The following RPH3A variants were observed in gnomAD, a reference collection of about 807,000 sequenced individuals.
RPH3A encodes rabphilin 3A, also known as rabphilin-3A.
Under a neutral mutation model 102.2 loss-of-function variants are expected in RPH3A, and 48 were observed. That is an observed-to-expected ratio of 0.47 (90% CI 0.37 to 0.60). The LOEUF (loss-of-function observed/expected upper bound fraction) is 0.60, where lower values mean the gene tolerates loss of function less well. Ranked by LOEUF, RPH3A falls within the 20% of genes least tolerant of loss-of-function variation. The pLI is 0.00. For missense variants in RPH3A, 781 were observed against 910.1 expected (o/e 0.86, Z 1.83); for synonymous variants, 310 against 324.3 (o/e 0.96, Z 0.47).
intron 1 of RPH3A, among the ~76,000 whole-genome samples, chr12:112,769,565 T>C (rs1422578837): frequency 6.6e-6 from 1 of 152,242 alleles, no homozygotes; most frequent in Non-Finnish European, 1.5e-5. Flanking sequence ...TCCTCATTGG[T>C]GTCTGGTGGG....
chr12:112,827,010 G>A (rs2041888499), intron 2 of RPH3A, among the ~76,000 whole-genome samples: 1 of 152,110 alleles, frequency 6.6e-6, no homozygotes, highest in South Asian at 2.1e-4. Flanking sequence ...TGGACTTTTA[G>A]CTAACAGATA....
chr12:112,687,697 A>G (rs193190347), intron 1 of RPH3A, among the ~76,000 whole-genome samples: 62 of 152,318 alleles, frequency 4.1e-4, no homozygotes, highest in African/African-American at 1.5e-3. Context: ...TGTGGATGCC[A>G]TTGCTTCTGA....
At chr12:112,777,180 T>C (rs539279001) in intron 1 of RPH3A, among the ~76,000 whole-genome samples, 1 of 152,294 alleles carries the variant, frequency 6.6e-6, no homozygotes, top group South Asian at 2.1e-4. Context: ...TTGTGAGAAT[T>C]CAGTTGGATC....
At chr12:112,803,672 T>C (rs1377307960) in intron 2 of RPH3A, among the ~76,000 whole-genome samples, 1 of 152,112 alleles carries the variant, frequency 6.6e-6, no homozygotes, top group Non-Finnish European at 1.5e-5. Flanking sequence ...AAATAAATAA[T>C]AAGGCTCTAC....
chr12:112,819,328 G>A (rs2041736649), intron 2 of RPH3A, among the ~76,000 whole-genome samples: 2 of 152,024 alleles, frequency 1.3e-5, no homozygotes, highest in Non-Finnish European at 2.9e-5. Flanking sequence ...GGCTGGTCTC[G>A]AACTCCTGGC....
chr12:112,803,802 C>T (rs957289619), intron 2 of RPH3A, among the ~76,000 whole-genome samples: 4 of 152,118 alleles, frequency 2.6e-5, no homozygotes, highest in East Asian at 3.9e-4. Context: ...CTTAGAAGCA[C>T]GGCTGCTGTC....
rs145230829 is a variant in RPH3A at position 112,825,489 on chromosome 12, A to G, written c.-18-2812A>G. Among the ~76,000 whole-genome samples the G allele has an allele frequency of 1.3e-3, 202 of 151,856 alleles. 1 individual carries two copies. The highest frequency in any genetic ancestry group is 3.4e-3 in the Middle Eastern group (1 of 294). ...CCCTAGACACGCCAATCTACTTTCT[A>G]TTTGTTTTTAAAATAATTACTGCAA... On this transcript the variant is annotated intron_variant, in intron 2 of 21. Coordinates refer to ENST00000389385, the MANE Select transcript of RPH3A (RefSeq NM_001143854.2).
At chr12:112,808,416 T>A (rs2041509835) in intron 2 of RPH3A, among the ~76,000 whole-genome samples, 1 of 152,182 alleles carries the variant, frequency 6.6e-6, no homozygotes, top group Non-Finnish European at 1.5e-5. Flanking sequence ...AGGCAAGGGT[T>A]TGGGCCGCTG....
intron 1 of RPH3A, among the ~76,000 whole-genome samples, chr12:112,638,109 T>C (rs2135989872): frequency 6.6e-6 from 1 of 152,222 alleles, no homozygotes; most frequent in South Asian, 2.1e-4. Context: ...GAGTTCCCTC[T>C]TAGTTCCCAT....
intron 15 of RPH3A, 104 bp from the exon 16 acceptor site, chr12:112,883,189 A>T: frequency 1.3e-6 from 1 of 784,556 alleles, no homozygotes; most frequent in Non-Finnish European, 2.2e-6. Flanking sequence ...GGACACTCCT[A>T]TGGGGAAAGC....
rs996589968 is a variant in RPH3A at position 112,876,759 on chromosome 12, C to T, written c.1064C>T (p.Pro355Leu). Residue 355 changes from proline to leucine, a missense_variant, in exon 13 of 22, where the codon CCC becomes CTC. Coordinates refer to ENST00000389385, the MANE Select transcript of RPH3A (RefSeq NM_001143854.2). Reference protein sequence around the residue: ...REDRMSHPSGPYSQASAAAPQ... With the variant: ...REDRMSHPSGLYSQASAAAPQ... ...GACCGAATGAGCCACCCCTCCGGACCCTATTCCCAAGCATCTGCAGCTGCC... is the reference window on the plus strand; with the variant it reads ...GACCGAATGAGCCACCCCTCCGGACTCTATTCCCAAGCATCTGCAGCTGCC... 1 of 1,613,046 alleles carries T rather than the reference C, an allele frequency of 6.2e-7. No homozygotes were observed. The highest frequency in any genetic ancestry group is 2.2e-5 in the East Asian group (1 of 44,824).
chr12:112,578,605 ATATGCCC>A (rs757901483), intron 1 of RPH3A, among the ~76,000 whole-genome samples: 1 of 152,206 alleles, frequency 6.6e-6, no homozygotes, highest in Non-Finnish European at 1.5e-5. Context: ...GGACTGCATG[ATATGCCC>A]TATGAACTTC....
rs1593145988 is a variant in RPH3A at position 112,898,838 on chromosome 12, T to C, written c.*2058T>C. ...ATGCACAACCACCCAGCATCTTTCT[T>C]TGTGATGATGTAGCCAAAAATAAAG... On this transcript the variant is annotated 3_prime_UTR_variant, in exon 22 of 22. Coordinates refer to ENST00000389385, the MANE Select transcript of RPH3A (RefSeq NM_001143854.2). The C allele has an allele frequency of 6.6e-6, 1 of 152,256 alleles. No homozygotes were observed. The highest frequency in any genetic ancestry group is 1.9e-4 in the East Asian group (1 of 5,202). 9.4% of individuals were successfully genotyped at this position (152,256 alleles called of 1,614,324 possible).
intron 1 of RPH3A, among the ~76,000 whole-genome samples, chr12:112,583,328 CAGACGAGGAAACTG>C (rs1347478016): frequency 2.6e-5 from 4 of 152,194 alleles, no homozygotes; most frequent in Admixed American, 1.3e-4. Flanking sequence ...CAACATTTTG[CAGACGAGGAAACTG>C]AGGCACAGAA....
chr12:112,632,227 C>T (rs1017807914), intron 1 of RPH3A, among the ~76,000 whole-genome samples: 2 of 152,182 alleles, frequency 1.3e-5, no homozygotes, highest in African/African-American at 4.8e-5. Flanking sequence ...TATGGAACTA[C>T]AAGTCCATTA....
intron 1 of RPH3A, among the ~76,000 whole-genome samples, chr12:112,676,144 G>A (rs895420475): frequency 6.6e-6 from 1 of 151,978 alleles, no homozygotes; most frequent in African/African-American, 2.4e-5. Flanking sequence ...TGATCTCTAC[G>A]TGGGCCTCCC....
At chr12:112,710,507 C>A (rs1424546492) in intron 1 of RPH3A, among the ~76,000 whole-genome samples, 3 of 152,228 alleles carry the variant, frequency 2.0e-5, no homozygotes, top group African/African-American at 7.2e-5. Context: ...CAGGCCACAG[C>A]ACTCTGGCCT....
At chr12:112,670,098 T>C (rs2040116926) in intron 1 of RPH3A, among the ~76,000 whole-genome samples, 1 of 152,236 alleles carries the variant, frequency 6.6e-6, no homozygotes, top group East Asian at 1.9e-4. Context: ...GTATTTAAAA[T>C]GTTAGACATT....
At chr12:112,796,941 T>C (rs2041244239) in intron 2 of RPH3A, among the ~76,000 whole-genome samples, 1 of 151,990 alleles carries the variant, frequency 6.6e-6, no homozygotes, top group African/African-American at 2.4e-5. Context: ...CCCCAGCTAT[T>C]TGGGTGGCTA....
Sources: allele counts gnomAD v4.1 joint callset (sites outside exome capture counted in the v4.1 genomes callset), GRCh38; gene constraint gnomAD v4.1.1; transcripts MANE v1.5; gene names NCBI Gene and HGNC (gene_info 2026-07-23, HGNC 2026-07-21).